The following IRAK2 variants were observed in gnomAD, a reference collection of about 807,000 sequenced individuals.
IRAK2 encodes the protein interleukin 1 receptor associated kinase 2.
A neutral mutation model predicts 72.0 loss-of-function variants in IRAK2; 57 were observed. That is an observed-to-expected ratio of 0.79 (90% CI 0.64 to 0.99). The LOEUF (loss-of-function observed/expected upper bound fraction) is 0.99, where lower values mean the gene tolerates loss of function less well. Among genes scored for constraint, IRAK2 ranks in the 50% least tolerant of loss-of-function variants. The pLI is 0.00. For synonymous variants in IRAK2, 293 were observed against 312.7 expected (o/e 0.94, Z 0.67); for missense variants, 790 against 794.4 (o/e 0.99, Z 0.07).
At chr3:10,194,501 T>C (rs1385253455) in intron 2 of IRAK2, among the ~76,000 whole-genome samples, 3 of 152,236 alleles carry the variant, frequency 2.0e-5, no homozygotes, top group Non-Finnish European at 4.4e-5. Flanking sequence ...GAGTTAAAGC[T>C]TGTCACAGCC....
In IRAK2 at chr3:10,217,034, A is replaced by T; in HGVS notation, c.889A>T (p.Arg297Ter). The T allele has an allele frequency of 5.6e-6, 9 of 1,610,232 alleles. No individual in the cohort carries two copies. Among genetic ancestry groups the T allele is most frequent in the Non-Finnish European group, 7.7e-6 (9 of 1,176,448 alleles). The change falls in exon 7 of 13, where the codon AGA becomes TGA. Residue 297 changes from arginine to a stop codon, truncating the protein, a stop_gained. Coordinates refer to ENST00000256458, the MANE Select transcript of IRAK2 (RefSeq NM_001570.4). LOFTEE classifies it high-confidence loss of function. ...CATGGCAAATGGTTCCCTACAGGAC[A>T]GACTGCAGGGTCAGGTAAGGGACTG... ...PYMANGSLQD[R>*]LQGQGGSDPL...
Position 10,200,513 on chromosome 3 carries a change from C to G in IRAK2, c.422C>G (p.Pro141Arg). Reference sequence around the variant, plus strand: ...GTGAGGATGGCCACCTTTCCAGGCCCAGGTATTTTAAATTTAACTTTTTTA... The same window carrying G: ...GTGAGGATGGCCACCTTTCCAGGCCGAGGTATTTTAAATTTAACTTTTTTA... ...QPVRMATFPG[P>R]GSSPARAHQP... Residue 141 changes from proline to arginine, a missense_variant and splice_region_variant, in exon 3 of 13, where the codon CCA (proline) becomes CGA (arginine). Physicochemically the swap from Pro to Arg is moderately radical, Grantham distance 103. Coordinates refer to ENST00000256458, the MANE Select transcript of IRAK2 (RefSeq NM_001570.4). 1 of 1,550,370 alleles carries G rather than the reference C, an allele frequency of 6.5e-7. No homozygotes were observed. Among genetic ancestry groups the G allele is most frequent in the Middle Eastern group, 1.7e-4 (1 of 5,750 alleles).
intron 1 of IRAK2, among the ~76,000 whole-genome samples, chr3:10,168,155 G>A (rs186157943): frequency 1.3e-3 from 201 of 152,058 alleles, no homozygotes; most frequent in Non-Finnish European, 2.2e-3. Flanking sequence ...AACCACCAGT[G>A]TATGAGGATG....
intron 10 of IRAK2, among the ~76,000 whole-genome samples, chr3:10,227,266 G>T (rs1002701599): frequency 6.6e-6 from 1 of 151,966 alleles, no homozygotes; most frequent in Non-Finnish European, 1.5e-5. Context: ...TGGGCAACAT[G>T]GCGAAACCCT....
intron 2 of IRAK2, among the ~76,000 whole-genome samples, chr3:10,184,138 C>T (rs541001184): frequency 3.3e-5 from 5 of 152,312 alleles, no homozygotes; most frequent in African/African-American, 1.2e-4. Context: ...GGTGGGTACA[C>T]TCCACTTCTT....
intron 6 of IRAK2, among the ~76,000 whole-genome samples, chr3:10,214,855 G>C (rs1697578369): frequency 6.6e-6 from 1 of 152,102 alleles, no homozygotes; most frequent in Middle Eastern, 3.2e-3. Context: ...AGCACTTTGG[G>C]AGGCTGAGGC....
chr3:10,217,570 G>A (rs1163318141), intron 7 of IRAK2, among the ~76,000 whole-genome samples: 1 of 152,202 alleles, frequency 6.6e-6, no homozygotes, highest in African/African-American at 2.4e-5. Flanking sequence ...TTTATGGAAT[G>A]TCTCTGGAAA....
chr3:10,176,869 C>T (rs985553153), intron 1 of IRAK2, among the ~76,000 whole-genome samples: 10 of 150,468 alleles, frequency 6.6e-5, no homozygotes, highest in Non-Finnish European at 1.3e-4. Flanking sequence ...ATGGCGTGAT[C>T]TTGGCTCACT....
intron 1 of IRAK2, among the ~76,000 whole-genome samples, chr3:10,171,061 G>A (rs1180688847): frequency 1.3e-5 from 2 of 152,216 alleles, no homozygotes; most frequent in African/African-American, 2.4e-5. Flanking sequence ...TTTCAGATCC[G>A]ACACTTGTTG....
chr3:10,173,170 CAG>C (rs993133003), intron 1 of IRAK2, among the ~76,000 whole-genome samples: 4 of 151,996 alleles, frequency 2.6e-5, no homozygotes, highest in African/African-American at 2.4e-5. Context: ...AACTGAGGCT[CAG>C]GGGGAGATGA....
intron 12 of IRAK2, among the ~76,000 whole-genome samples, chr3:10,241,500 A>G (rs1678587): frequency 1.3e-5 from 2 of 150,728 alleles, no homozygotes; most frequent in Non-Finnish European, 3.0e-5. Flanking sequence ...CAGAGGTTGC[A>G]GTGAGCCGAG....
intron 7 of IRAK2, among the ~76,000 whole-genome samples, chr3:10,217,773 C>T (rs1286973405): frequency 1.3e-5 from 2 of 152,064 alleles, no homozygotes; most frequent in South Asian, 2.1e-4. Context: ...TATTCCATAA[C>T]AGAATTATTG....
At chr3:10,189,132 A>T (rs1275576140) in intron 2 of IRAK2, among the ~76,000 whole-genome samples, 1 of 152,180 alleles carries the variant, frequency 6.6e-6, no homozygotes, top group Non-Finnish European at 1.5e-5. Context: ...TCAAAGGATA[A>T]ATGTAGGTCA....
Position 10,219,626 on chromosome 3 carries a change from G to A in IRAK2, c.904-54G>A, listed in dbSNP as rs1462166865. ...AGCCACCGCACCTGGCTGCCATCAG[G>A]ACTTTAAAAAGGTACATTGTGACTA... On this transcript the variant is annotated intron_variant, in intron 7 of 12. Transcript: ENST00000256458. 12 of 1,394,340 alleles carry A rather than the reference G, an allele frequency of 8.6e-6. No homozygotes were observed. In the African/African-American group the frequency reaches 1.7e-4, roughly 20 times the overall value. The allele number at this position is 1,394,340 out of a possible 1,614,324, so 86.4% of individuals were successfully genotyped here.
intron 2 of IRAK2, among the ~76,000 whole-genome samples, chr3:10,189,195 G>A (rs961165915): frequency 6.6e-6 from 1 of 152,210 alleles, no homozygotes; most frequent in Admixed American, 6.5e-5. Flanking sequence ...ATCTCATCAG[G>A]GGAAGTTTCT....
chr3:10,176,015 C>T (rs978402103), intron 1 of IRAK2, among the ~76,000 whole-genome samples: 3 of 150,198 alleles, frequency 2.0e-5, no homozygotes, highest in Non-Finnish European at 4.4e-5. Flanking sequence ...CCCTAATGGC[C>T]TTAGGAGGGT....
chr3:10,207,364 C>T (rs1003525745), intron 3 of IRAK2, among the ~76,000 whole-genome samples: 1 of 152,198 alleles, frequency 6.6e-6, no homozygotes, highest in East Asian at 1.9e-4. Flanking sequence ...GGGGTCAAGT[C>T]CAGTTTCCTT....
At position 10,234,624 on chromosome 3, in the gene IRAK2, C is replaced by G; in HGVS notation, c.1438C>G (p.Leu480Val). The G allele has an allele frequency of 1.2e-6, 2 of 1,613,364 alleles. No homozygotes were observed. The highest frequency in any genetic ancestry group is 1.3e-5 in the African/African-American group (1 of 75,056). The change falls in exon 11 of 13, where the codon CTG becomes GTG. Residue 480 changes from leucine (L) to valine (V), a missense_variant. Transcript: ENST00000256458. ...CGAGGCCCTGGCCACGGCTGCCTGC[C>G]TGTGCCTGCGGAGGCGTAACACCAG... ...CAEALATAACLCLRRRNTSLQ... is the reference protein window; with the variant it reads ...CAEALATAACVCLRRRNTSLQ...
Position 10,222,218 on chromosome 3 carries a change from A to G in IRAK2, c.1014-418A>G, listed in dbSNP as rs184254749. Among the ~76,000 whole-genome samples, 11 of 152,050 alleles carry G rather than the reference A, an allele frequency of 7.2e-5. No homozygotes were observed. The East Asian group carries it at 2.1e-3, about 29-fold the overall frequency. On this transcript the variant is annotated intron_variant, in intron 8 of 12. Coordinates refer to ENST00000256458, the MANE Select transcript of IRAK2 (RefSeq NM_001570.4). The stretch of plus-strand genomic sequence containing the variant: ...GGAATTTTTTTTTCTTTCTTTTTTT[A>G]CATGATCTGGGCAGGTTTAGTCACA...
Sources: gnomAD v4.1 joint callset for allele counts (sites outside exome capture counted in the v4.1 genomes callset) on GRCh38, gnomAD v4.1.1 for gene constraint, MANE v1.5 for transcripts, NCBI Gene and HGNC (gene_info 2026-07-23, HGNC 2026-07-21) for gene names.